Variants in PTPRD observed in about 807,000 individuals in gnomAD.
The protein encoded by PTPRD is receptor-type tyrosine-protein phosphatase delta.
In PTPRD, 34 loss-of-function variants were observed where a neutral mutation model predicts 214.5. That is an observed-to-expected ratio of 0.16 (90% CI 0.12 to 0.21). PTPRD has a LOEUF of 0.21. Among genes scored for constraint, PTPRD ranks in the 10% least tolerant of loss-of-function variants. The pLI is 1.00. For missense variants in PTPRD, 2,545 were observed against 2,398.7 expected (o/e 1.06, Z -1.27); for synonymous variants, 1,128 against 845.7 (o/e 1.33, Z -5.79).
chr9:9,890,445 T>A lies in PTPRD; in HGVS notation c.-368+48062A>T, dbSNP rs867241764. Among the ~76,000 whole-genome samples, 11 of 152,040 alleles carry A rather than the reference T, an allele frequency of 7.2e-5. No homozygotes were observed. In the South Asian group the frequency reaches 2.3e-3, roughly 32 times the overall value. On this transcript the variant is annotated intron_variant, in intron 5 of 45. Transcript: ENST00000381196. Reference sequence around the variant, plus strand: ...AACTCCTAGACTCAAGCAATCTGCCTGCCTTGGCCTCCCAAAATGCTTGGA... The same window carrying A: ...AACTCCTAGACTCAAGCAATCTGCCAGCCTTGGCCTCCCAAAATGCTTGGA...
At chr9:9,202,085 G>C (rs1323465591) in intron 9 of PTPRD, among the ~76,000 whole-genome samples, 1 of 152,188 alleles carries the variant, frequency 6.6e-6, no homozygotes, top group East Asian at 1.9e-4. Flanking sequence ...GATGCCATTT[G>C]GATGGACTTT....
At chr9:10,150,470 A>G (rs201753452) in intron 3 of PTPRD, among the ~76,000 whole-genome samples, 1 of 151,938 alleles carries the variant, frequency 6.6e-6, no homozygotes, top group African/African-American at 2.4e-5. Flanking sequence ...ACGAGAACAC[A>G]TGGACACGGG....
chr9:9,226,815 G>C (rs896918623), intron 9 of PTPRD, among the ~76,000 whole-genome samples: 1 of 151,916 alleles, frequency 6.6e-6, no homozygotes, highest in African/African-American at 2.4e-5. Context: ...TCATATAATA[G>C]GTACTTAACA....
At chr9:9,389,409 C>A (rs978027273) in intron 9 of PTPRD, among the ~76,000 whole-genome samples, 1 of 151,984 alleles carries the variant, frequency 6.6e-6, no homozygotes, top group African/African-American at 2.4e-5. Context: ...ACTCGGGAGG[C>A]TGAGGTAGGA....
intron 3 of PTPRD, among the ~76,000 whole-genome samples, chr9:10,126,494 C>T (rs1036929916): frequency 6.6e-5 from 10 of 151,256 alleles, no homozygotes; most frequent in Admixed American, 1.3e-4. Flanking sequence ...ACTCTCCTGG[C>T]CACCTAAAAC....
At chr9:9,749,341 C>A (rs2098491670) in intron 6 of PTPRD, among the ~76,000 whole-genome samples, 1 of 152,068 alleles carries the variant, frequency 6.6e-6, no homozygotes, top group Non-Finnish European at 1.5e-5. Flanking sequence ...TTTGCCCATG[C>A]CTTTATAACC....
At chr9:9,079,331 T>C (rs77717404) in intron 10 of PTPRD, among the ~76,000 whole-genome samples, 3,424 of 152,192 alleles carry the variant, frequency 0.022, 56 homozygotes, top group Middle Eastern at 0.044. Flanking sequence ...TCTGGCTTAT[T>C]TCACTTAATA....
intron 39 of PTPRD, among the ~76,000 whole-genome samples, chr9:8,355,950 C>T (rs1414140543): frequency 1.3e-5 from 2 of 152,052 alleles, no homozygotes; most frequent in Non-Finnish European, 2.9e-5. Flanking sequence ...ACAGAATACA[C>T]TCATAATAAT....
At chr9:9,529,826 T>C (rs964026772) in intron 8 of PTPRD, among the ~76,000 whole-genome samples, 1 of 151,562 alleles carries the variant, frequency 6.6e-6, no homozygotes, top group African/African-American at 2.4e-5. Flanking sequence ...AAACAATACA[T>C]AAATATATTT....
chr9:10,501,902 C>G (rs1262127949), intron 2 of PTPRD, among the ~76,000 whole-genome samples: 2 of 151,918 alleles, frequency 1.3e-5, no homozygotes, highest in East Asian at 3.9e-4. Context: ...TTACCCTTGT[C>G]TACGATCCTA....
intron 3 of PTPRD, among the ~76,000 whole-genome samples, chr9:10,245,830 A>T (rs572095253): frequency 2.6e-5 from 4 of 152,156 alleles, no homozygotes; most frequent in Non-Finnish European, 5.9e-5. Flanking sequence ...AGTAAGCTCA[A>T]ATAAGGAAGA....
At chr9:10,498,529 A>G (rs1249493893) in intron 2 of PTPRD, among the ~76,000 whole-genome samples, 2 of 151,926 alleles carry the variant, frequency 1.3e-5, no homozygotes, top group South Asian at 2.1e-4. Flanking sequence ...TATTTCAAAT[A>G]TCTCCTCAAA....
intron 3 of PTPRD, among the ~76,000 whole-genome samples, chr9:10,159,137 G>A (rs1443452361): frequency 6.6e-6 from 1 of 151,866 alleles, no homozygotes; most frequent in East Asian, 1.9e-4. Flanking sequence ...GTAAATATGG[G>A]CTTAAGGTAC....
At chr9:9,721,825 A>T (rs1731645177) in intron 7 of PTPRD, among the ~76,000 whole-genome samples, 1 of 152,142 alleles carries the variant, frequency 6.6e-6, no homozygotes, top group Non-Finnish European at 1.5e-5. Context: ...AACAGCACTG[A>T]ATCATTTTAG....
chr9:9,339,058 C>G (rs1376272699), intron 9 of PTPRD, among the ~76,000 whole-genome samples: 1 of 152,166 alleles, frequency 6.6e-6, no homozygotes, highest in Non-Finnish European at 1.5e-5. Flanking sequence ...ATGGAAAATA[C>G]ACTTTAATCT....
At chr9:10,246,912 A>G (rs1007437563) in intron 3 of PTPRD, among the ~76,000 whole-genome samples, 2 of 151,464 alleles carry the variant, frequency 1.3e-5, no homozygotes, top group African/African-American at 4.8e-5. Context: ...AAATAAATAA[A>G]CAATAAATAT....
At chr9:9,763,756 T>C (rs1369625027) in intron 6 of PTPRD, among the ~76,000 whole-genome samples, 1 of 136,674 alleles carries the variant, frequency 7.3e-6, no homozygotes, top group African/African-American at 3.4e-5. Context: ...TCACTGTCCT[T>C]CTTCTTTTTT....
intron 36 of PTPRD, among the ~76,000 whole-genome samples, chr9:8,396,058 T>A (rs973869190): frequency 1.3e-5 from 2 of 152,076 alleles, no homozygotes; most frequent in Admixed American, 1.3e-4. Context: ...CATCAAGCAA[T>A]GAAGTAGTCA....
chr9:10,043,770 AT>A (rs2154144977), intron 3 of PTPRD, among the ~76,000 whole-genome samples: 1 of 151,954 alleles, frequency 6.6e-6, no homozygotes, highest in Admixed American at 6.6e-5. Context: ...TCATCCCTTG[AT>A]TATTTCATGT....
Sources: allele counts gnomAD v4.1 joint callset (sites outside exome capture counted in the v4.1 genomes callset), GRCh38; gene constraint gnomAD v4.1.1; transcripts MANE v1.5; gene names NCBI Gene and HGNC (gene_info 2026-07-23, HGNC 2026-07-21).